Variants in PALM2AKAP2 observed in about 807,000 individuals in gnomAD.
PALM2AKAP2 encodes PALM2-AKAP2 fusion protein.
In PALM2AKAP2, 37 loss-of-function variants were observed where a neutral mutation model predicts 71.5. The ratio of observed to expected loss-of-function variants is 0.52; its 90% CI spans 0.40 to 0.68. The LOEUF is 0.68. Among genes scored for constraint, PALM2AKAP2 ranks in the 30% least tolerant of loss-of-function variants. The pLI is 0.00. For missense variants in PALM2AKAP2, 1,224 were observed against 1,191.8 expected, an observed-to-expected ratio of 1.03 and a Z score of -0.40; for synonymous variants, 468 against 478.8, an observed-to-expected ratio of 0.98 and a Z score of 0.29.
chr9:109,861,512 T>C (rs1829308961), intron 1 of PALM2AKAP2, among the ~76,000 whole-genome samples: 1 of 152,184 alleles, frequency 6.6e-6, no homozygotes, highest in Non-Finnish European at 1.5e-5. Flanking sequence ...ATATATAATT[T>C]ATAGAAAGTG....
At chr9:109,999,512 C>T (rs1218752091) in intron 6 of PALM2AKAP2, among the ~76,000 whole-genome samples, 1 of 152,116 alleles carries the variant, frequency 6.6e-6, no homozygotes, top group Non-Finnish European at 1.5e-5. Flanking sequence ...GTTCCCAGTG[C>T]CCTCTGCCTT....
At chr9:109,995,901 T>C (rs1022776364) in intron 6 of PALM2AKAP2, among the ~76,000 whole-genome samples, 2 of 152,114 alleles carry the variant, frequency 1.3e-5, no homozygotes, top group Non-Finnish European at 2.9e-5. Context: ...GCCATGAGGA[T>C]GGAGAGGAAG....
chr9:110,168,550 G>T, exon 4 of PALM2AKAP2: 1 of 1,589,224 alleles, frequency 6.3e-7, no homozygotes, highest in Non-Finnish European at 8.6e-7. Flanking sequence ...AAGAAACCAA[G>T]AAATTAACAA....
intron 3 of PALM2AKAP2, among the ~76,000 whole-genome samples, chr9:109,909,405 C>A (rs939706938): frequency 6.6e-6 from 1 of 152,202 alleles, no homozygotes; most frequent in Admixed American, 6.5e-5. Context: ...CTTGAGGCTA[C>A]TTCCAGTTGA....
chr9:109,749,897 A>T (rs1828859702), intron 1 of PALM2AKAP2, among the ~76,000 whole-genome samples: 2 of 152,160 alleles, frequency 1.3e-5, no homozygotes, highest in South Asian at 4.1e-4. Flanking sequence ...AAAGGTATCT[A>T]TGTTGGAGAC....
intron 1 of PALM2AKAP2, among the ~76,000 whole-genome samples, chr9:109,705,324 C>T (rs1448661830): frequency 6.6e-6 from 1 of 152,166 alleles, no homozygotes; most frequent in African/African-American, 2.4e-5. Flanking sequence ...GCCTCAGGCT[C>T]CTTGTTGTTG....
At chr9:110,156,203 A>G in intron 2 of PALM2AKAP2, 116 bp from the exon 9 acceptor site, 1 of 1,381,848 alleles carries the variant, frequency 7.2e-7, no homozygotes, top group Non-Finnish European at 9.6e-7. Context: ...CTTAACCATC[A>G]TTCTGGTACC....
At chr9:109,904,077 A>G (rs1478101316) in intron 3 of PALM2AKAP2, among the ~76,000 whole-genome samples, 1 of 152,180 alleles carries the variant, frequency 6.6e-6, no homozygotes, top group Non-Finnish European at 1.5e-5. Flanking sequence ...TCTAAATTAA[A>G]TTTTTTTAAA....
At chr9:109,651,719 A>G (rs1313000808) in intron 1 of PALM2AKAP2, among the ~76,000 whole-genome samples, 1 of 152,044 alleles carries the variant, frequency 6.6e-6, no homozygotes, top group Non-Finnish European at 1.5e-5. Context: ...AGAAGGAGAC[A>G]CTCCTATTCC....
intron 6 of PALM2AKAP2, among the ~76,000 whole-genome samples, chr9:109,932,264 C>A (rs546733356): frequency 6.6e-6 from 1 of 152,178 alleles, no homozygotes. Context: ...CCTCCGACTT[C>A]GGGGGAGTCT....
At chr9:109,915,186 A>G (rs192891190) in intron 3 of PALM2AKAP2, among the ~76,000 whole-genome samples, 72 of 152,360 alleles carry the variant, frequency 4.7e-4, no homozygotes, top group African/African-American at 1.6e-3. Flanking sequence ...GGAGGGATAC[A>G]TTGCTTAAAT....
intron 5 of PALM2AKAP2, among the ~76,000 whole-genome samples, chr9:109,928,920 G>A (rs1006612193): frequency 6.6e-5 from 10 of 152,118 alleles, no homozygotes; most frequent in Non-Finnish European, 1.5e-4. Flanking sequence ...GCCTGCCTCA[G>A]CCTCCCAAAG....
At chr9:109,679,793 T>C (rs2118513603) in intron 1 of PALM2AKAP2, among the ~76,000 whole-genome samples, 1 of 152,342 alleles carries the variant, frequency 6.6e-6, no homozygotes, top group African/African-American at 2.4e-5. Flanking sequence ...ACTTCTCTGG[T>C]TGATTATTAG....
chr9:110,091,515 T>C (rs1433539170), intron 1 of PALM2AKAP2, among the ~76,000 whole-genome samples: 2 of 132,444 alleles, frequency 1.5e-5, no homozygotes, highest in Non-Finnish European at 3.1e-5. Context: ...CAGGCTGGGG[T>C]GCAGTAGCAC....
intron 1 of PALM2AKAP2, among the ~76,000 whole-genome samples, chr9:109,666,439 G>A (rs986824065): frequency 2.6e-5 from 4 of 152,198 alleles, no homozygotes; most frequent in Non-Finnish European, 5.9e-5. Context: ...TTAAATGGAA[G>A]GGTATAGGAA....
At chr9:109,863,931 T>C (rs934202103) in intron 1 of PALM2AKAP2, among the ~76,000 whole-genome samples, 7 of 151,984 alleles carry the variant, frequency 4.6e-5, no homozygotes, top group African/African-American at 1.7e-4. Flanking sequence ...AATACAAATA[T>C]TAGCCAAGCG....
chr9:109,836,090 G>T (rs1344220859), intron 1 of PALM2AKAP2, among the ~76,000 whole-genome samples: 1 of 152,186 alleles, frequency 6.6e-6, no homozygotes, highest in Non-Finnish European at 1.5e-5. Flanking sequence ...CCTCAAGTGG[G>T]TCCCTGATCC....
chr9:110,125,184 C>A (rs570969536), intron 1 of PALM2AKAP2, among the ~76,000 whole-genome samples: 1 of 152,258 alleles, frequency 6.6e-6, no homozygotes, highest in Non-Finnish European at 1.5e-5. Flanking sequence ...TGCCTCAATA[C>A]CCCTGGGATA....
intron 1 of PALM2AKAP2, among the ~76,000 whole-genome samples, chr9:109,759,408 C>T (rs1272644535): frequency 1.3e-5 from 2 of 152,074 alleles, no homozygotes; most frequent in South Asian, 4.1e-4. Flanking sequence ...GGCATCAAAA[C>T]GGTGATTCTT....
Sources: gnomAD v4.1 joint callset for allele counts (sites outside exome capture counted in the v4.1 genomes callset) on GRCh38, gnomAD v4.1.1 for gene constraint, MANE v1.5 for transcripts, NCBI Gene and HGNC (gene_info 2026-07-23, HGNC 2026-07-21) for gene names.